Variants in VPS37A observed in about 807,000 individuals in gnomAD.
VPS37A encodes VPS37A subunit of ESCRT-I.
VPS37A carries 30 observed loss-of-function variants against 49.8 expected under a neutral mutation model. The observed-to-expected ratio is 0.60, with a 90% CI of 0.45 to 0.82. VPS37A has a LOEUF of 0.82. VPS37A is among the 40% of genes least tolerant of loss of function. The probability of loss-of-function intolerance (pLI) is 0.00; values close to 1 mark genes in which losing one functional copy is unlikely to be tolerated. For missense variants in VPS37A, 593 were observed against 464.4 expected (o/e 1.28, Z -2.55); for synonymous variants, 195 against 160.6 (o/e 1.21, Z -1.62).
intron 1 of VPS37A, among the ~76,000 whole-genome samples, chr8:17,248,887 C>G (rs565372849): frequency 6.6e-6 from 1 of 152,170 alleles, no homozygotes; most frequent in African/African-American, 2.4e-5. Flanking sequence ...TCGCAAAGTT[C>G]TTACAAGTCA....
Position 17,247,316 on chromosome 8 carries a change from C to T in VPS37A, c.72C>T (p.Ser24=), listed in dbSNP as rs977660903. 1.9e-6 allele frequency: 3 copies of T among 1,562,720 alleles called. No individual in the cohort carries two copies. The highest frequency in any genetic ancestry group is 2.7e-5 in the African/African-American group (2 of 73,688). ...CTGGGTCCCCCGGTGGCCTCACCAG[C>T]CTCCAGCAGCAGAAGCAGCGCCTGA... ...SAAGSPGGLT[S]LQQQKQRLIE... The change falls in exon 1 of 12, where the codon AGC becomes AGT. Residue 24 remains serine (S), a synonymous_variant. Coordinates refer to ENST00000324849, the MANE Select transcript of VPS37A (RefSeq NM_152415.3).
At chr8:17,307,790 A>G in the VPS37A span, among the ~76,000 whole-genome samples, 1 of 152,106 alleles carries the variant, frequency 6.6e-6, no homozygotes, top group African/African-American at 2.4e-5. Flanking sequence ...GCAAGGACAA[A>G]AAAACCAAAC....
At chr8:17,273,418 G>A (rs1039559475) in intron 4 of VPS37A, among the ~76,000 whole-genome samples, 3 of 152,138 alleles carry the variant, frequency 2.0e-5, no homozygotes, top group African/African-American at 7.2e-5. Context: ...CCAGGCTGGA[G>A]TGCAGTGGCG....
intron 6 of VPS37A, 108 bp from the exon 7 acceptor site, chr8:17,279,920 T>A (rs1327795321): frequency 6.9e-7 from 1 of 1,440,914 alleles, no homozygotes; most frequent in Non-Finnish European, 9.7e-7. Context: ...TATGTAAAAA[T>A]TATTTAGAAC....
At chr8:17,286,821 C>T (rs1159557346) in intron 11 of VPS37A, among the ~76,000 whole-genome samples, 6 of 152,164 alleles carry the variant, frequency 3.9e-5, no homozygotes, top group African/African-American at 7.2e-5. Context: ...TCCCACACCA[C>T]GATTACTCTA....
chr8:17,261,102 T>C (rs1418036959), intron 1 of VPS37A, among the ~76,000 whole-genome samples: 2 of 152,188 alleles, frequency 1.3e-5, no homozygotes, highest in African/African-American at 4.8e-5. Context: ...CACCAGTAAT[T>C]CTTAGATGTG....
intron 1 of VPS37A, among the ~76,000 whole-genome samples, chr8:17,256,290 A>ATTTTTTTTTTTTTTTTTTTTTTTT (rs529736602): frequency 5.0e-5 from 3 of 60,388 alleles, no homozygotes; most frequent in African/African-American, 2.2e-4. Flanking sequence ...GGGTAAAATG[A>ATTTTTTTTTTTTTTTTTTTTTTTT]TTTTTTTTTT....
In VPS37A at chr8:17,247,219, G is replaced by A; in HGVS notation, c.-26G>A. ...GAGAAGCAGGCCAGAGCCTTCCAGG[G>A]CCTCCGGCCCGTGGACCCGAGGAGG... On this transcript the variant is annotated 5_prime_UTR_variant, in exon 1 of 12. Coordinates refer to ENST00000324849, the MANE Select transcript of VPS37A (RefSeq NM_152415.3). 3.2e-6 allele frequency: 5 copies of A among 1,563,094 alleles called. No homozygotes were observed. Among genetic ancestry groups the A allele is most frequent in the Non-Finnish European group, 3.5e-6 (4 of 1,153,688 alleles).
the VPS37A span, among the ~76,000 whole-genome samples, chr8:17,318,438 C>A: frequency 3.7e-4 from 57 of 152,192 alleles, no homozygotes; most frequent in African/African-American, 1.3e-3. Flanking sequence ...CACCCCAAGA[C>A]CCCGATATGA....
At chr8:17,310,364 A>C in the VPS37A span, among the ~76,000 whole-genome samples, 44,975 of 152,052 alleles carry the variant, frequency 0.3, 8,368 homozygotes, top group African/African-American at 0.52. Flanking sequence ...CAATGCTTTA[A>C]AGTGGCCAGA....
At chr8:17,265,320 C>G (rs1813343739) in intron 1 of VPS37A, among the ~76,000 whole-genome samples, 1 of 152,290 alleles carries the variant, frequency 6.6e-6, no homozygotes, top group Non-Finnish European at 1.5e-5. Context: ...GTACATTCTA[C>G]TGGATGGGAT....
chr8:17,260,382 C>T (rs756539337), intron 1 of VPS37A, among the ~76,000 whole-genome samples: 8 of 152,090 alleles, frequency 5.3e-5, no homozygotes, highest in Non-Finnish European at 1.0e-4. Context: ...TTAATTGTCT[C>T]AATTTACAGA....
downstream of VPS37A, among the ~76,000 whole-genome samples, chr8:17,303,910 A>G (rs1817286761): frequency 6.6e-6 from 1 of 152,216 alleles, no homozygotes; most frequent in Non-Finnish European, 1.5e-5. Context: ...AAGTACTTCC[A>G]GTAGGACTTA....
intron 11 of VPS37A, among the ~76,000 whole-genome samples, chr8:17,289,704 T>C (rs1248091964): frequency 6.6e-6 from 1 of 152,222 alleles, no homozygotes; most frequent in African/African-American, 2.4e-5. Context: ...CTTGGTTCCA[T>C]ATAAAATTTA....
At chr8:17,300,038 G>C (rs1466778333), downstream of VPS37A, 1 of 1,614,130 alleles carries the variant, frequency 6.2e-7, no homozygotes, top group Non-Finnish European at 8.5e-7. Flanking sequence ...GTTAGAATCA[G>C]AGCAGAATCT....
At chr8:17,291,374 A>C (rs1000782090) in intron 11 of VPS37A, among the ~76,000 whole-genome samples, 1 of 148,240 alleles carries the variant, frequency 6.7e-6, no homozygotes, top group Non-Finnish European at 1.5e-5. Context: ...CTTCTTTTTT[A>C]GTCTGGCTAG....
intron 11 of VPS37A, among the ~76,000 whole-genome samples, chr8:17,291,690 G>A (rs1432294882): frequency 1.3e-5 from 2 of 151,828 alleles, no homozygotes; most frequent in East Asian, 1.9e-4. Context: ...TGTTCTCATT[G>A]GTTTCAAAGA....
At position 17,262,573 on chromosome 8, in the gene VPS37A, A is replaced by ATGTGTG. The variant is rs139230717; in HGVS notation, c.126-3312_126-3307dup. ...TGTGATTAAAATATTACTTTAAAGTATGTGTGTGTGTGTGTGTGTGTGTGT... is the reference window on the plus strand; with the variant it reads ...TGTGATTAAAATATTACTTTAAAGTATGTGTGTGTGTGTGTGTGTGTGTGTGTGTGT... On this transcript the variant is annotated intron_variant, in intron 1 of 11. Transcript: ENST00000324849. 7.4e-4 allele frequency among the ~76,000 whole-genome samples: 109 copies of ATGTGTG among 147,456 alleles called. 1 individual carries two copies. The highest frequency in any genetic ancestry group is 6.4e-3 in the East Asian group (32 of 4,990).
At chr8:17,329,913 G>A in the VPS37A span, among the ~76,000 whole-genome samples, 1 of 152,186 alleles carries the variant, frequency 6.6e-6, no homozygotes, top group Non-Finnish European at 1.5e-5. Context: ...ACAGAAGATG[G>A]AAATGGCTCT....
Sources: allele counts gnomAD v4.1 joint callset (sites outside exome capture counted in the v4.1 genomes callset), GRCh38; gene constraint gnomAD v4.1.1; transcripts MANE v1.5; gene names NCBI Gene and HGNC (gene_info 2026-07-23, HGNC 2026-07-21).